Variants in IGSF21 observed in about 807,000 individuals in gnomAD.
The protein encoded by IGSF21 is immunoglobin superfamily member 21, also known as immunoglobulin superfamily member 21.
IGSF21 carries 28 observed loss-of-function variants against 46.8 expected under a neutral mutation model. That is an observed-to-expected ratio of 0.60 (90% CI 0.44 to 0.82). IGSF21 has a LOEUF of 0.82. IGSF21 is among the 40% of genes least tolerant of loss of function. The pLI is 0.00. For synonymous variants in IGSF21, 284 were observed against 273.6 expected, an observed-to-expected ratio of 1.04 and a Z score of -0.38; for missense variants, 624 against 665.5, an observed-to-expected ratio of 0.94 and a Z score of 0.69.
chr1:18,296,394 G>C (rs554486592), intron 3 of IGSF21, among the ~76,000 whole-genome samples: 3 of 151,794 alleles, frequency 2.0e-5, no homozygotes, highest in Non-Finnish European at 4.4e-5. Flanking sequence ...CCACAGAAGT[G>C]GTTCTAGCTG....
intron 3 of IGSF21, among the ~76,000 whole-genome samples, chr1:18,316,575 C>T (rs1235728101): frequency 6.6e-6 from 1 of 152,198 alleles, no homozygotes; most frequent in Non-Finnish European, 1.5e-5. Context: ...CAACCCCTGT[C>T]CCTAGGTCCC....
At chr1:18,373,415 C>T (rs925418987) in intron 6 of IGSF21, among the ~76,000 whole-genome samples, 2 of 152,136 alleles carry the variant, frequency 1.3e-5, no homozygotes, top group African/African-American at 2.4e-5. Flanking sequence ...CTCGGAGTGT[C>T]AGGAGGCTGA....
At chr1:18,259,143 C>T (rs1291837800) in intron 2 of IGSF21, among the ~76,000 whole-genome samples, 1 of 152,212 alleles carries the variant, frequency 6.6e-6, no homozygotes, top group African/African-American at 2.4e-5. Context: ...CCTGCCACAT[C>T]CCCTCGGGGC....
chr1:18,296,058 G>C (rs1261832044), intron 3 of IGSF21, among the ~76,000 whole-genome samples: 3 of 152,158 alleles, frequency 2.0e-5, no homozygotes, highest in Admixed American at 6.5e-5. Context: ...TAGAAAATGG[G>C]ATAAGAAGGG....
At chr1:18,315,547 TGATGGATG>T (rs34398523) in intron 3 of IGSF21, among the ~76,000 whole-genome samples, 1,923 of 149,374 alleles carry the variant, frequency 0.013, 21 homozygotes, top group Admixed American at 0.02. Context: ...AGTGGATGGA[TGATGGATG>T]GATGGATGGA....
intron 1 of IGSF21, among the ~76,000 whole-genome samples, chr1:18,149,311 C>T (rs1239984391): frequency 3.9e-5 from 6 of 152,266 alleles, no homozygotes; most frequent in Non-Finnish European, 5.9e-5. Flanking sequence ...GGAGCAGGGA[C>T]AGTCTCCGAG....
chr1:18,334,364 G>A lies in IGSF21; in HGVS notation c.306-528G>A, dbSNP rs532096079. ...GGACTGGGCATGAAGTGGCAGCATGGCGGCATGGAGAGAGAAATTCAAATT... is the reference window on the plus strand; with the variant it reads ...GGACTGGGCATGAAGTGGCAGCATGACGGCATGGAGAGAGAAATTCAAATT... On this transcript the variant is annotated intron_variant, in intron 3 of 9. Transcript: ENST00000251296. This position sits in a 1 kb window ranked among gnomAD's most constrained non-coding sequence, Gnocchi z 4.3. Among the ~76,000 whole-genome samples the A allele has an allele frequency of 7.3e-4, 111 of 152,282 alleles. 2 individuals are homozygous for A. In the South Asian group the frequency reaches 0.021, roughly 29 times the overall value.
At chr1:18,127,608 C>A (rs1233154110) in intron 1 of IGSF21, among the ~76,000 whole-genome samples, 1 of 152,106 alleles carries the variant, frequency 6.6e-6, no homozygotes, top group Non-Finnish European at 1.5e-5. Context: ...TTTTCATCTG[C>A]AAAATGGGGG....
intron 1 of IGSF21, among the ~76,000 whole-genome samples, chr1:18,204,313 T>C (rs2087105025): frequency 6.6e-6 from 1 of 152,238 alleles, no homozygotes; most frequent in Non-Finnish European, 1.5e-5. Flanking sequence ...ACACAGGGAC[T>C]CAGACTTCAG....
chr1:18,352,338 C>A (rs749999212), intron 4 of IGSF21, among the ~76,000 whole-genome samples: 1 of 152,114 alleles, frequency 6.6e-6, no homozygotes, highest in African/African-American at 2.4e-5. Context: ...ATTAAAGCAG[C>A]GGTCCACATA....
rs1051780828 is a variant in IGSF21 at position 18,376,785 on chromosome 1, T to C, written c.1102-15T>C. On this transcript the variant is annotated splice_polypyrimidine_tract_variant and intron_variant, in intron 7 of 9. Coordinates refer to ENST00000251296, the MANE Select transcript of IGSF21 (RefSeq NM_032880.5). ...GCCCTCCTGTGACCCACCTCTCCCCTGATCTGGCCAACAGAACGAAGTCTT... is the reference window on the plus strand; with the variant it reads ...GCCCTCCTGTGACCCACCTCTCCCCCGATCTGGCCAACAGAACGAAGTCTT... The C allele has an allele frequency of 1.9e-6, 3 of 1,571,576 alleles. No individual in the cohort carries two copies. Among genetic ancestry groups the C allele is most frequent in the South Asian group, 1.2e-5 (1 of 84,864 alleles).
chr1:18,156,388 T>C (rs556446371), intron 1 of IGSF21, among the ~76,000 whole-genome samples: 1 of 152,222 alleles, frequency 6.6e-6, no homozygotes, highest in South Asian at 2.1e-4. Flanking sequence ...CTCCTCCTCT[T>C]CTCTCTGCAG....
intron 2 of IGSF21, among the ~76,000 whole-genome samples, chr1:18,247,675 T>A (rs757408858): frequency 9.9e-5 from 15 of 152,056 alleles, no homozygotes; most frequent in Non-Finnish European, 1.5e-4. Flanking sequence ...GCAAATAATA[T>A]CAATACCAAT....
intron 2 of IGSF21, among the ~76,000 whole-genome samples, chr1:18,233,016 C>G (rs1028672511): frequency 6.6e-6 from 1 of 152,156 alleles, no homozygotes; most frequent in Non-Finnish European, 1.5e-5. Context: ...CAGGCAAAGC[C>G]GAAGGTCTGT....
At chr1:18,211,378 C>G (rs1214424284) in intron 1 of IGSF21, among the ~76,000 whole-genome samples, 1 of 152,210 alleles carries the variant, frequency 6.6e-6, no homozygotes, top group African/African-American at 2.4e-5. Flanking sequence ...ATCCAGAGAG[C>G]AAAGCCACGC....
intron 1 of IGSF21, among the ~76,000 whole-genome samples, chr1:18,123,642 T>C (rs1022102361): frequency 6.6e-6 from 1 of 152,114 alleles, no homozygotes; most frequent in Non-Finnish European, 1.5e-5. Context: ...GAAGGGGTGA[T>C]GCATGACTGG....
At chr1:18,377,129 C>G (rs1197290391) in intron 8 of IGSF21, 137 bp downstream of exon 8, 7 of 921,678 alleles carry the variant, frequency 7.6e-6, no homozygotes, top group Non-Finnish European at 1.1e-5. Flanking sequence ...GAGAGGGTGC[C>G]CCACTGGGAG....
At chr1:18,359,295 A>G (rs985823540) in intron 4 of IGSF21, among the ~76,000 whole-genome samples, 1 of 149,026 alleles carries the variant, frequency 6.7e-6, no homozygotes, top group African/African-American at 2.5e-5. Flanking sequence ...ACAAAAAAAA[A>G]AGAAAAAGAA....
rs536281479 is a variant in IGSF21, at chr1:18,365,749, G to A, written c.1015+52G>A. The stretch of plus-strand genomic sequence containing the variant: ...AGAGCCCTTGCAGACCTGGGTGTGG[G>A]GAGAGCCTTGGAATAGGGTTCCTGG... On this transcript the variant is annotated intron_variant, in intron 6 of 9. Transcript: ENST00000251296. This position sits in a 1 kb window ranked among gnomAD's most constrained non-coding sequence, Gnocchi z 4.8. The A allele has an allele frequency of 6.8e-7, 1 of 1,461,548 alleles. No individual in the cohort carries two copies. The highest frequency in any genetic ancestry group is 1.3e-5 in the South Asian group (1 of 78,580). The allele number at this position is 1,461,548 out of a possible 1,614,324, so 90.5% of individuals were successfully genotyped here.
Sources: allele counts gnomAD v4.1 joint callset (sites outside exome capture counted in the v4.1 genomes callset), GRCh38; gene constraint gnomAD v4.1.1; non-coding constraint Gnocchi (gnomAD v3.1); transcripts MANE v1.5; gene names NCBI Gene and HGNC (gene_info 2026-07-23, HGNC 2026-07-21).